Variants in NOL10 observed in about 807,000 individuals in gnomAD.
NOL10 encodes the protein nucleolar protein 10.
A neutral mutation model predicts 103.5 loss-of-function variants in NOL10; 58 were observed. The observed-to-expected ratio is 0.56, with a 90% CI of 0.45 to 0.70. The LOEUF (loss-of-function observed/expected upper bound fraction) is 0.70. Ranked by LOEUF, NOL10 falls within the 30% of genes least tolerant of loss-of-function variation. The pLI, the probability that NOL10 is intolerant of heterozygous loss-of-function variation, is 0.00. For synonymous variants in NOL10, 287 were observed against 282.5 expected, an observed-to-expected ratio of 1.02 and a Z score of -0.16; for missense variants, 763 against 807.3, an observed-to-expected ratio of 0.95 and a Z score of 0.67.
chr2:10,663,162 T>C, intron 8 of NOL10, 118 bp from the exon 9 acceptor site: 2 of 698,654 alleles, frequency 2.9e-6, no homozygotes, highest in South Asian at 3.3e-5. Flanking sequence ...AAGCCAGGAG[T>C]TTGAGACTAG....
At chr2:10,613,911 T>C (rs1676701107) in intron 13 of NOL10, among the ~76,000 whole-genome samples, 2 of 151,220 alleles carry the variant, frequency 1.3e-5, no homozygotes, top group African/African-American at 4.8e-5. Flanking sequence ...AAAATAATAA[T>C]AGCACTAGCA....
chr2:10,666,228 T>C (rs1680558134), intron 8 of NOL10, among the ~76,000 whole-genome samples: 1 of 152,254 alleles, frequency 6.6e-6, no homozygotes, highest in Admixed American at 6.5e-5. Context: ...TCATTCTTTT[T>C]TGTGGCTGCA....
intron 17 of NOL10, among the ~76,000 whole-genome samples, chr2:10,596,062 C>T (rs538500386): frequency 1.3e-5 from 2 of 151,744 alleles, no homozygotes; most frequent in South Asian, 4.2e-4. Context: ...GTATCTGTAC[C>T]TAATTGTATT....
intron 3 of NOL10, among the ~76,000 whole-genome samples, chr2:10,678,703 C>G (rs554880054): frequency 1.3e-5 from 2 of 152,162 alleles, no homozygotes; most frequent in Admixed American, 1.3e-4. Context: ...GCCTAGAACA[C>G]CAAAGGGAAT....
chr2:10,596,654 C>A (rs913278655), intron 17 of NOL10, among the ~76,000 whole-genome samples: 1 of 152,058 alleles, frequency 6.6e-6, no homozygotes, highest in Non-Finnish European at 1.5e-5. Context: ...TCCTGGTGTG[C>A]GGCCTGATTC....
At chr2:10,586,322 A>T (rs545586593) in intron 19 of NOL10, among the ~76,000 whole-genome samples, 1 of 152,154 alleles carries the variant, frequency 6.6e-6, no homozygotes, top group South Asian at 2.1e-4. Flanking sequence ...ATTGTATGCT[A>T]CATTACTAAC....
intron 8 of NOL10, 55 bp from the exon 9 acceptor site, chr2:10,663,099 G>A (rs1300895767): frequency 2.1e-6 from 3 of 1,416,596 alleles, no homozygotes; most frequent in Non-Finnish European, 3.0e-6. Flanking sequence ...GGGCATGGTG[G>A]CTCATGCCTG....
intron 13 of NOL10, among the ~76,000 whole-genome samples, chr2:10,642,751 C>T (rs1558315011): frequency 6.6e-6 from 1 of 152,178 alleles, no homozygotes; most frequent in Admixed American, 6.5e-5. Flanking sequence ...AGCTATCCTT[C>T]GGTCCCTCCT....
At chr2:10,640,898 T>C (rs1035705997) in intron 13 of NOL10, among the ~76,000 whole-genome samples, 2 of 152,202 alleles carry the variant, frequency 1.3e-5, no homozygotes, top group Non-Finnish European at 2.9e-5. Context: ...CCAATTTGTA[T>C]ATAAAATACA....
chr2:10,678,665 C>T (rs964148385), intron 3 of NOL10, among the ~76,000 whole-genome samples: 5 of 152,124 alleles, frequency 3.3e-5, no homozygotes, highest in African/African-American at 1.2e-4. Context: ...TCTTCAGGGC[C>T]AATCTTACTC....
intron 12 of NOL10, 95 bp downstream of exon 12, chr2:10,654,386 A>T: frequency 1.1e-6 from 1 of 909,862 alleles, no homozygotes; most frequent in Non-Finnish European, 1.7e-6. Context: ...TTTAAAACCT[A>T]AAAAAGTATA....
At position 10,657,744 on chromosome 2, in the gene NOL10, A is replaced by C. The variant is rs1010569357; in HGVS notation, c.904T>G (p.Ser302Ala). The C allele has an allele frequency of 9.0e-6, 14 of 1,549,234 alleles. No homozygotes were observed. Among genetic ancestry groups the C allele is most frequent in the Middle Eastern group, 1.7e-4 (1 of 6,008 alleles). ...TAATTTCAACCAAAAATACATACGG[A>C]GTTCTTATTCCACATCTTGACAATT... ...SRIVKMWNKN[S>A]GKIFTSLEPE... is the part of the protein sequence containing the mutation. Residue 302 changes from serine (S) to alanine (A), a missense_variant and splice_region_variant, in exon 11 of 21, where the codon TCC (serine) becomes GCC (alanine). Ser to Ala is a moderately conservative substitution (Grantham distance 99, BLOSUM62 1). Transcript: ENST00000381685.
At chr2:10,623,573 C>T (rs1172608412) in intron 13 of NOL10, among the ~76,000 whole-genome samples, 2 of 152,226 alleles carry the variant, frequency 1.3e-5, no homozygotes, top group Non-Finnish European at 2.9e-5. Flanking sequence ...AGCTCCTAGG[C>T]AGCAAGGCCC....
At chr2:10,663,095 G>T in intron 8 of NOL10, 51 bp from the exon 9 acceptor site, 2 of 1,469,102 alleles carry the variant, frequency 1.4e-6, no homozygotes, top group South Asian at 2.3e-5. Flanking sequence ...GGCGGGGCAT[G>T]GTGGCTCATG....
At chr2:10,681,564 C>G (rs1474803619) in intron 3 of NOL10, among the ~76,000 whole-genome samples, 1 of 152,168 alleles carries the variant, frequency 6.6e-6, no homozygotes, top group Non-Finnish European at 1.5e-5. Context: ...AAATGGTAAA[C>G]TTAGGATCTG....
chr2:10,603,237 T>G (rs1451571720), intron 14 of NOL10, 80 bp from the exon 15 acceptor site: 2 of 1,010,758 alleles, frequency 2.0e-6, no homozygotes, highest in Non-Finnish European at 3.0e-6. Flanking sequence ...GGCAACAATT[T>G]GATTATAGTA....
chr2:10,675,721 C>T (rs987483390), intron 4 of NOL10, 73 bp downstream of exon 4: 22 of 837,902 alleles, frequency 2.6e-5, no homozygotes, highest in African/African-American at 2.6e-4. Context: ...ACAAACCATT[C>T]TCATTTTAAA....
intron 1 of NOL10, among the ~76,000 whole-genome samples, chr2:10,686,481 T>C (rs1028547717): frequency 1.3e-5 from 2 of 152,196 alleles, no homozygotes; most frequent in Non-Finnish European, 2.9e-5. Flanking sequence ...CAAAGGACTC[T>C]GCTTTTCACC....
At chr2:10,651,264 C>T (rs536959530) in intron 12 of NOL10, among the ~76,000 whole-genome samples, 5 of 152,230 alleles carry the variant, frequency 3.3e-5, no homozygotes, top group African/African-American at 9.6e-5. Context: ...CTACCAGGCT[C>T]AACAATCCCC....
Sources: allele counts gnomAD v4.1 joint callset (sites outside exome capture counted in the v4.1 genomes callset), GRCh38; gene constraint gnomAD v4.1.1; transcripts MANE v1.5; gene names NCBI Gene and HGNC (gene_info 2026-07-23, HGNC 2026-07-21).